Variants in SIGLEC1 observed in about 807,000 individuals in gnomAD.
SIGLEC1 encodes sialic acid binding Ig like lectin 1.
SIGLEC1 carries 132 observed loss-of-function variants against 148.0 expected under a neutral mutation model. That is an observed-to-expected ratio of 0.89 (90% confidence interval 0.77 to 1.03). The LOEUF (loss-of-function observed/expected upper bound fraction) is 1.03, where lower values mean the gene tolerates loss of function less well. Among genes scored for constraint, SIGLEC1 ranks in the 50% least tolerant of loss-of-function variants. SIGLEC1 has a pLI of 0.00. For synonymous variants in SIGLEC1, 945 were observed against 969.0 expected, an observed-to-expected ratio of 0.98 and a Z score of 0.46; for missense variants, 2,253 against 2,271.4, an observed-to-expected ratio of 0.99 and a Z score of 0.16.
At chr20:3,694,598 G>A in intron 12 of SIGLEC1, 65 bp downstream of exon 12, 7 of 1,566,272 alleles carry the variant, frequency 4.5e-6, no homozygotes, top group South Asian at 1.2e-5. Context: ...TCTGTCATGT[G>A]ACACAGCCCA....
Position 3,688,993 on chromosome 20 carries a change from A to G in SIGLEC1, c.5070+162T>C. 5 of 695,392 alleles carry G rather than the reference A, an allele frequency of 7.2e-6. No homozygotes were observed. The East Asian group carries it at 1.3e-4, about 18-fold the overall frequency. 43.1% of individuals were successfully genotyped at this position (695,392 alleles called of 1,614,324 possible). On this transcript the variant is annotated intron_variant, in intron 21 of 21. Coordinates refer to ENST00000344754, the MANE Select transcript of SIGLEC1 (RefSeq NM_023068.4). ...GGATTCCCTCTGCCCCGAGCAGAAC[A>G]GGGCTCTCCTATCTCCTGAGGGGCT...
chr20:3,688,610 G>A lies in SIGLEC1; in HGVS notation c.5080C>T (p.Pro1694Ser), dbSNP rs2088723045. 1.9e-6 allele frequency: 3 copies of A among 1,599,126 alleles called. No homozygotes were observed. Among genetic ancestry groups the A allele is most frequent in the East Asian group, 4.5e-5 (2 of 44,440 alleles). ...GAGGTCTCACATGTGGCTGCATCAG[G>A]ATCAATGAGCTTCCCACAGAGAAAA... ...FQKETTQLID[P>S]DAATCETSTC... is the part of the protein sequence containing the mutation. Residue 1694 changes from proline (P) to serine (S), a missense_variant, in exon 22 of 22, where the codon CCT becomes TCT. Pro to Ser is a moderately conservative substitution (Grantham distance 74). Transcript: ENST00000344754.
Position 3,691,497 on chromosome 20 carries a change from G to C in SIGLEC1, c.4434C>G (p.Thr1478=), listed in dbSNP as rs756247278. 1.2e-6 allele frequency: 2 copies of C among 1,613,450 alleles called. No homozygotes were observed. Among genetic ancestry groups the C allele is most frequent in the South Asian group, 1.1e-5 (1 of 91,088 alleles). The stretch of plus-strand genomic sequence containing the variant: ...GCCGGTCATTCCAGAACCATGCAAA[G>C]GTGGAGTTGCCCACAGGCCCAGGGC... ...LGGPGPVGNS[T]FAWFWNDRRL... Residue 1478 remains threonine (T), a synonymous_variant, in exon 18 of 22, where the codon ACC becomes ACG. Coordinates refer to ENST00000344754, the MANE Select transcript of SIGLEC1 (RefSeq NM_023068.4).
chr20:3,698,188 A>G (rs888078164), intron 8 of SIGLEC1, 55 bp from the exon 9 acceptor site: 12 of 1,431,954 alleles, frequency 8.4e-6, no homozygotes, highest in African/African-American at 4.4e-5. Context: ...GGGCCCCACA[A>G]GCCTGGCTAG....
At chr20:3,704,417 G>A (rs1435659887) in intron 4 of SIGLEC1, among the ~76,000 whole-genome samples, 1 of 152,176 alleles carries the variant, frequency 6.6e-6, no homozygotes, top group Non-Finnish European at 1.5e-5. Flanking sequence ...CACACACAGG[G>A]TCATGGGTAC....
At chr20:3,692,294 C>T in intron 16 of SIGLEC1, 92 bp from the exon 17 acceptor site, 1 of 1,337,300 alleles carries the variant, frequency 7.5e-7, no homozygotes, top group Admixed American at 2.6e-5. Context: ...GCTGAGGCCT[C>T]TGGACCAATG....
At position 3,698,003 on chromosome 20, in the gene SIGLEC1, C is replaced by T. The variant is rs6052015; in HGVS notation, c.1917G>A (p.Lys639=). The T allele has an allele frequency of 5.6e-6, 9 of 1,611,046 alleles. No individual in the cohort carries two copies. The highest frequency in any genetic ancestry group is 7.6e-6 in the Non-Finnish European group (9 of 1,178,858). The change falls in exon 9 of 22, where the codon AAG becomes AAA. Residue 639 remains lysine, a synonymous_variant. Coordinates refer to ENST00000344754, the MANE Select transcript of SIGLEC1 (RefSeq NM_023068.4). ...DPPARLQLLH[K]DRVVATSLPS... is the part of the protein sequence containing the mutation. Reference sequence around the variant, plus strand: ...GCAGGGAAGTGGCCACAACACGGTCCTTGTGGAGCAGCTGCAGCCTGGCGG... The same window carrying T: ...GCAGGGAAGTGGCCACAACACGGTCTTTGTGGAGCAGCTGCAGCCTGGCGG...
At position 3,705,729 on chromosome 20, in the gene SIGLEC1, C is replaced by T. The variant is rs770535962; in HGVS notation, c.706+15G>A. ...GATGCGCTCAGCCACAAGGGTGTGT[C>T]CCCAGACAACTCACACTTCACTTGG... On this transcript the variant is annotated intron_variant, in intron 4 of 21. Coordinates refer to ENST00000344754, the MANE Select transcript of SIGLEC1 (RefSeq NM_023068.4). 58 of 1,594,172 alleles carry T rather than the reference C, an allele frequency of 3.6e-5. No individual in the cohort carries two copies. The highest frequency in any genetic ancestry group is 4.8e-5 in the Non-Finnish European group (56 of 1,167,580).
intron 20 of SIGLEC1, 51 bp downstream of exon 20, chr20:3,689,549 G>T: frequency 7.7e-7 from 1 of 1,292,684 alleles, no homozygotes. Context: ...GAGAAGACGA[G>T]GTGGGCTGCC....
At chr20:3,693,242 C>G (rs535771370) in intron 14 of SIGLEC1, 111 bp from the exon 15 acceptor site, 2 of 1,300,706 alleles carry the variant, frequency 1.5e-6, no homozygotes, top group African/African-American at 3.0e-5. Flanking sequence ...CCTATGGCTC[C>G]CAACCACCCA....
Position 3,697,285 on chromosome 20 carries a change from A to G in SIGLEC1, c.2180T>C (p.Leu727Ser). The change falls in exon 10 of 22, where the codon TTG becomes TCG. Residue 727 changes from leucine (L) to serine (S), a missense_variant. Coordinates refer to ENST00000344754, the MANE Select transcript of SIGLEC1 (RefSeq NM_023068.4). ...AGCTTCCCGGCTCACGTTGCAAGTCAAGTTGGCTTCTGTGCCCTCCTGAAG... is the reference window on the plus strand; with the variant it reads ...AGCTTCCCGGCTCACGTTGCAAGTCGAGTTGGCTTCTGTGCCCTCCTGAAG... ...HTLQEGTEANLTCNVSREAAG... is the reference protein window; with the variant it reads ...HTLQEGTEANSTCNVSREAAG... 1 of 1,613,962 alleles carries G rather than the reference A, an allele frequency of 6.2e-7. No individual in the cohort carries two copies. The highest frequency in any genetic ancestry group is 1.1e-5 in the South Asian group (1 of 91,088).
Position 3,691,563 on chromosome 20 carries a change from A to G in SIGLEC1, c.4368T>C (p.Pro1456=), listed in dbSNP as rs1271222471. 1.9e-6 allele frequency: 3 copies of G among 1,612,798 alleles called. No homozygotes were observed. The highest frequency in any genetic ancestry group is 2.5e-6 in the Non-Finnish European group (3 of 1,179,946). ...AGCTGAGGTTCAGGGCAGCGCCCTC[A>G]GGCACGTCCAGGCCAGGCTCTGCCA... The part of the protein sequence containing the change: ...RVVAEPGLDV[P]EGAALNLSCR... Residue 1456 remains proline, a synonymous_variant, in exon 18 of 22, where the codon CCT becomes CCC. Coordinates refer to ENST00000344754, the MANE Select transcript of SIGLEC1 (RefSeq NM_023068.4).
chr20:3,703,063 G>T, intron 6 of SIGLEC1, 134 bp downstream of exon 6: 1 of 981,468 alleles, frequency 1.0e-6, no homozygotes, highest in Non-Finnish European at 1.6e-6. Flanking sequence ...TGCAGAGCTG[G>T]GACATGAGCT....
intron 1 of SIGLEC1, among the ~76,000 whole-genome samples, chr20:3,708,092 A>G (rs971683638): frequency 9.9e-5 from 15 of 152,158 alleles, no homozygotes; most frequent in Admixed American, 3.3e-4. Flanking sequence ...AGTGACTAAG[A>G]GAGGGGTGAG....
Position 3,692,188 on chromosome 20 carries a change from C to A in SIGLEC1, c.4045G>T (p.Ala1349Ser), listed in dbSNP as rs1277228074. 1.3e-6 allele frequency: 2 copies of A among 1,556,354 alleles called. No homozygotes were observed. Among genetic ancestry groups the A allele is most frequent in the East Asian group, 2.3e-5 (1 of 44,010 alleles). Residue 1349 changes from alanine to serine, a missense_variant, in exon 17 of 22, where the codon GCT becomes TCT. Coordinates refer to ENST00000344754, the MANE Select transcript of SIGLEC1 (RefSeq NM_023068.4). ...ALQVLYAPQD[A>S]VLSSFRDSRA... Reference sequence around the variant, plus strand: ...GAGTCCCGGAAGGAGGACAGGACAGCGTCCTGAGGGGCATCTGTGGGCAGG... The same window carrying A: ...GAGTCCCGGAAGGAGGACAGGACAGAGTCCTGAGGGGCATCTGTGGGCAGG...
Position 3,697,222 on chromosome 20 carries a change from C to T in SIGLEC1, c.2243G>A (p.Gly748Glu). 1 of 1,613,966 alleles carries T rather than the reference C, an allele frequency of 6.2e-7. No homozygotes were observed. Among genetic ancestry groups the T allele is most frequent in the Non-Finnish European group, 8.5e-7 (1 of 1,180,034 alleles). ...CAGGGGACCCTGGGCCCACAGCACC[C>T]CATTTCGGAACCAGGAGAAGTTAGC... Reference protein sequence around the residue: ...SPANFSWFRNGVLWAQGPLET... With the variant: ...SPANFSWFRNEVLWAQGPLET... The change falls in exon 10 of 22, where the codon GGG (glycine) becomes GAG (glutamate). Residue 748 changes from glycine (G) to glutamate (E), a missense_variant. Physicochemically the swap from Gly to Glu is moderately conservative, Grantham distance 98 (BLOSUM62 -2). Coordinates refer to ENST00000344754, the MANE Select transcript of SIGLEC1 (RefSeq NM_023068.4).
At position 3,692,967 on chromosome 20, in the gene SIGLEC1, G is replaced by A. The variant is rs1174592885; in HGVS notation, c.3673C>T (p.Arg1225Cys). ...STAASVPNTL[R>C]LELRGPQPRD... Reference sequence around the variant, plus strand: ...GGCTGTGGCCCTCGCAGCTCCAGGCGCAGGGTGTTGGGGACAGAGGCTGCT... The same window carrying A: ...GGCTGTGGCCCTCGCAGCTCCAGGCACAGGGTGTTGGGGACAGAGGCTGCT... Residue 1225 changes from arginine to cysteine, a missense_variant, in exon 15 of 22, where the codon CGC (arginine) becomes TGC (cysteine). Arg to Cys is a radical substitution (Grantham distance 180). Transcript: ENST00000344754. 3.7e-6 allele frequency: 6 copies of A among 1,612,470 alleles called. No individual in the cohort carries two copies. The highest frequency in any genetic ancestry group is 2.2e-5 in the East Asian group (1 of 44,896).
In SIGLEC1 at chr20:3,703,917, T is replaced by G; in HGVS notation, c.881A>C (p.Gln294Pro). 1 of 1,613,964 alleles carries G rather than the reference T, an allele frequency of 6.2e-7. No homozygotes were observed. Among genetic ancestry groups the G allele is most frequent in the Non-Finnish European group, 8.5e-7 (1 of 1,179,960 alleles). ...QTKTGVLHLP[Q>P]AAWSDAGVYT... ...GACGCCAGCATCGCTCCAGGCTGCC[T>G]GGGGCAGGTGCAGCACACCAGTCTT... Residue 294 changes from glutamine (Q) to proline (P), a missense_variant, in exon 5 of 22, where the codon CAG becomes CCG. Physicochemically the swap from Gln to Pro is moderately conservative, Grantham distance 76 (BLOSUM62 -1). Transcript: ENST00000344754.
intron 7 of SIGLEC1, among the ~76,000 whole-genome samples, chr20:3,700,009 T>C (rs931821634): frequency 1.5e-4 from 22 of 149,726 alleles, no homozygotes; most frequent in Non-Finnish European, 3.3e-4. Flanking sequence ...GGTTTCACCA[T>C]GTTAGCCAGG....
Sources: gnomAD v4.1 joint callset for allele counts (sites outside exome capture counted in the v4.1 genomes callset) on GRCh38, gnomAD v4.1.1 for gene constraint, MANE v1.5 for transcripts, NCBI Gene and HGNC (gene_info 2026-07-23, HGNC 2026-07-21) for gene names.